The following BCAS3 variants were observed in gnomAD, a reference collection of about 807,000 sequenced individuals.
BCAS3 encodes BCAS4/BCAS3 fusion.
BCAS3 carries 53 observed loss-of-function variants against 116.1 expected under a neutral mutation model. That is an observed-to-expected ratio of 0.46 (90% CI 0.37 to 0.57). The LOEUF is 0.57. BCAS3 is among the 20% of genes least tolerant of loss of function. The probability of loss-of-function intolerance (pLI) is 0.00; values close to 1 mark genes in which losing one functional copy is unlikely to be tolerated. For synonymous variants in BCAS3, 391 were observed against 408.2 expected (o/e 0.96, Z 0.51); for missense variants, 917 against 1,165.4 (o/e 0.79, Z 3.10).
chr17:60,694,182 G>A (rs894560849), intron 4 of BCAS3, among the ~76,000 whole-genome samples: 37 of 148,046 alleles, frequency 2.5e-4, no homozygotes, highest in African/African-American at 7.6e-4. Flanking sequence ...CACCGCGCCC[G>A]GCCAAACATT....
intron 5 of BCAS3, among the ~76,000 whole-genome samples, chr17:60,742,426 C>CTTTTTTTTTTT: frequency 9.7e-6 from 1 of 103,450 alleles, no homozygotes; most frequent in Non-Finnish European, 1.9e-5. Context: ...TCCTTGACAT[C>CTTTTTTTTTTT]TTTTTTTTTT....
rs912195275 is a variant in BCAS3, at chr17:61,063,338, C to A, written c.2030-11582C>A. Among the ~76,000 whole-genome samples the A allele has an allele frequency of 6.6e-6, 1 of 151,778 alleles. No homozygotes were observed. The highest frequency in any genetic ancestry group is 2.4e-5 in the African/African-American group (1 of 41,326). On this transcript the variant is annotated intron_variant, in intron 19 of 23. Transcript: ENST00000407086. The surrounding 1 kb of genome is among the most constrained non-coding windows in gnomAD (Gnocchi z 5.3). ...AGGCTGGAGTGCGGTGGCACAATCT[C>A]GGCTCACTGCAGCCTTTGCCTCCTG...
rs2143032439 is a variant in BCAS3, at chr17:61,324,887, A to C, written c.2426-43440A>C. ...ACTGTGTGATCTCTGAAATTTCTCC[A>C]TGTTCAAAAGTCTAACCTTCGAAGA... On this transcript the variant is annotated intron_variant, in intron 22 of 23. Coordinates refer to ENST00000407086, the MANE Select transcript of BCAS3 (RefSeq NM_017679.5). This position sits in a 1 kb window ranked among gnomAD's most constrained non-coding sequence, Gnocchi z 4.6. Among the ~76,000 whole-genome samples, 1 of 152,284 alleles carries C rather than the reference A, an allele frequency of 6.6e-6. No homozygotes were observed. The highest frequency in any genetic ancestry group is 3.4e-3 in the Middle Eastern group (1 of 294).
rs184605570 is a variant in BCAS3 at position 60,781,888 on chromosome 17, G to A, written c.404-26116G>A. Reference sequence around the variant, plus strand: ...TGCTGGAGACTTACCAAGCTTTCTGGTTCTTTCTTTTATAATTCTGGAAAA... The same window carrying A: ...TGCTGGAGACTTACCAAGCTTTCTGATTCTTTCTTTTATAATTCTGGAAAA... On this transcript the variant is annotated intron_variant, in intron 6 of 23. Transcript: ENST00000407086. 6.1e-3 allele frequency among the ~76,000 whole-genome samples: 929 copies of A among 151,916 alleles called. 7 individuals are homozygous for A. The highest frequency in any genetic ancestry group is 0.014 in the Middle Eastern group (4 of 294).
chr17:61,058,352 A>G (rs1007177852), intron 19 of BCAS3, among the ~76,000 whole-genome samples: 2 of 152,200 alleles, frequency 1.3e-5, no homozygotes, highest in Admixed American at 6.5e-5. Context: ...CTTTTATACT[A>G]CGCTTTCTTT....
rs1258219853 is a variant in BCAS3 at position 61,073,112 on chromosome 17, T to C, written c.2030-1808T>C. 6.6e-6 allele frequency among the ~76,000 whole-genome samples: 1 copy of C among 152,248 alleles called. No homozygotes were observed. Among genetic ancestry groups the C allele is most frequent in the Non-Finnish European group, 1.5e-5 (1 of 68,046 alleles). ...TTATCAGCCTTTCAATGTATATCAA[T>C]TATTTCCAAAAGAATGCTGAAATAA... On this transcript the variant is annotated intron_variant, in intron 19 of 23. Coordinates refer to ENST00000407086, the MANE Select transcript of BCAS3 (RefSeq NM_017679.5). This position sits in a 1 kb window ranked among gnomAD's most constrained non-coding sequence, Gnocchi z 4.6.
rs1278485252 is a variant in BCAS3, at chr17:61,276,596, A to G, written c.2426-91731A>G. On this transcript the variant is annotated intron_variant, in intron 22 of 23. Coordinates refer to ENST00000407086, the MANE Select transcript of BCAS3 (RefSeq NM_017679.5). This position sits in a 1 kb window ranked among gnomAD's most constrained non-coding sequence, Gnocchi z 4.2. ...TAGATCAGAAGACAAAATTGTTAAG[A>G]CGGCAGTGCTCCCCAAATTGATCTA... is the stretch of plus-strand genomic sequence containing the variant. 1.3e-5 allele frequency among the ~76,000 whole-genome samples: 2 copies of G among 152,202 alleles called. No individual in the cohort carries two copies. The highest frequency in any genetic ancestry group is 2.9e-5 in the Non-Finnish European group (2 of 68,032).
chr17:61,213,996 G>T lies in BCAS3; in HGVS notation c.2425+129432G>T, dbSNP rs1017216428. On this transcript the variant is annotated intron_variant, in intron 22 of 23. Coordinates refer to ENST00000407086, the MANE Select transcript of BCAS3 (RefSeq NM_017679.5). This position sits in a 1 kb window ranked among gnomAD's most constrained non-coding sequence, Gnocchi z 5.4. ...AAAGTGAAAGACAAGAAAAATGGGG[G>T]CTTCACTGCACAGTAGGCTGGAGAT... is the stretch of plus-strand genomic sequence containing the variant. Among the ~76,000 whole-genome samples, 1 of 152,136 alleles carries T rather than the reference G, an allele frequency of 6.6e-6. No homozygotes were observed. Among genetic ancestry groups the T allele is most frequent in the African/African-American group, 2.4e-5 (1 of 41,408 alleles).
chr17:60,773,708 C>T lies in BCAS3; in HGVS notation c.403+26429C>T, dbSNP rs142664180. ...TGTTGTCCAGGCTGGAAAGCAGTGG[C>T]GTGATCATGGCTCACAGTTGCCTCT... On this transcript the variant is annotated intron_variant, in intron 6 of 23. Transcript: ENST00000407086. Among the ~76,000 whole-genome samples, 470 of 152,148 alleles carry T rather than the reference C, an allele frequency of 3.1e-3. 1 individual carries two copies. The highest frequency in any genetic ancestry group is 0.017 in the Middle Eastern group (5 of 292).
Position 61,087,264 on chromosome 17 carries a change from G to A in BCAS3, c.2425+2700G>A. Reference sequence around the variant, plus strand: ...GACCAGTGTGGCACCTCCTCTGTTGGTCTTCATTGCCCTGTATTACCTTCA... The same window carrying A: ...GACCAGTGTGGCACCTCCTCTGTTGATCTTCATTGCCCTGTATTACCTTCA... On this transcript the variant is annotated intron_variant, in intron 22 of 23. Coordinates refer to ENST00000407086, the MANE Select transcript of BCAS3 (RefSeq NM_017679.5). This position sits in a 1 kb window ranked among gnomAD's most constrained non-coding sequence, Gnocchi z 4.6. 6 of 958,520 alleles carry A rather than the reference G, an allele frequency of 6.3e-6. No individual in the cohort carries two copies. Among genetic ancestry groups the A allele is most frequent in the Non-Finnish European group, 7.4e-6 (6 of 805,482 alleles). 59.4% of individuals were successfully genotyped at this position (958,520 alleles called of 1,614,324 possible). A position where few individuals can be genotyped will look rare whatever the true frequency, so the allele number is the denominator to read the frequency against.
At chr17:60,783,872 A>G (rs1472550467) in intron 6 of BCAS3, among the ~76,000 whole-genome samples, 2 of 152,130 alleles carry the variant, frequency 1.3e-5, no homozygotes, top group African/African-American at 2.4e-5. Flanking sequence ...TTTGTTTCTC[A>G]TGTTGTAATA....
rs549244959 is a variant in BCAS3 at position 61,053,224 on chromosome 17, G to A, written c.2029+12332G>A. On this transcript the variant is annotated intron_variant, in intron 19 of 23. Transcript: ENST00000407086. ...CAACATGATTAAGGTTAAATTCTAG[G>A]GATCTTGATTCCCAAACAAATTTTG... 5.9e-5 allele frequency among the ~76,000 whole-genome samples: 9 copies of A among 152,178 alleles called. No homozygotes were observed. In the South Asian group the frequency reaches 1.2e-3, roughly 21 times the overall value.
rs2071675959 is a variant in BCAS3, at chr17:61,073,860, A to T, written c.2030-1060A>T. 6.6e-6 allele frequency among the ~76,000 whole-genome samples: 1 copy of T among 152,120 alleles called. No homozygotes were observed. Among genetic ancestry groups the T allele is most frequent in the Non-Finnish European group, 1.5e-5 (1 of 68,014 alleles). On this transcript the variant is annotated intron_variant, in intron 19 of 23. Coordinates refer to ENST00000407086, the MANE Select transcript of BCAS3 (RefSeq NM_017679.5). The surrounding 1 kb of genome is among the most constrained non-coding windows in gnomAD (Gnocchi z 4.6). ...CGTGGTGGTTCATGCCTGTAATCCC[A>T]GCACTCTGAGAGCCAAAGCCAGAGG...
chr17:60,698,626 C>T (rs1598127917), intron 4 of BCAS3, among the ~76,000 whole-genome samples: 1 of 152,136 alleles, frequency 6.6e-6, no homozygotes, highest in East Asian at 1.9e-4. Context: ...AACCTGGGAT[C>T]AAGATGGTAC....
At chr17:61,234,751 A>G (rs1405310259) in intron 22 of BCAS3, among the ~76,000 whole-genome samples, 2 of 148,640 alleles carry the variant, frequency 1.3e-5, no homozygotes, top group Admixed American at 6.8e-5. Flanking sequence ...ACTGACTGTT[A>G]GAACTATACC....
chr17:60,880,894 A>T (rs2056068017), intron 9 of BCAS3, among the ~76,000 whole-genome samples: 1 of 152,036 alleles, frequency 6.6e-6, no homozygotes, highest in Non-Finnish European at 1.5e-5. Context: ...CACTTATCAG[A>T]TATATCTTTT....
rs183054112 is a variant in BCAS3 at position 60,964,475 on chromosome 17, G to A, written c.1221+17123G>A. Among the ~76,000 whole-genome samples the A allele has an allele frequency of 1.5e-4, 23 of 152,178 alleles. No individual in the cohort carries two copies. Among genetic ancestry groups the A allele is most frequent in the South Asian group, 1.5e-3 (7 of 4,824 alleles). ...GGATTTTCACATATATGTTCATCAC[G>A]GATATTGGCCTGTAGTTTTCTTTTC... On this transcript the variant is annotated intron_variant, in intron 14 of 23. Coordinates refer to ENST00000407086, the MANE Select transcript of BCAS3 (RefSeq NM_017679.5). This position sits in a 1 kb window ranked among gnomAD's most constrained non-coding sequence, Gnocchi z 4.6.
At chr17:61,304,510 T>A (rs965036225) in intron 22 of BCAS3, among the ~76,000 whole-genome samples, 3 of 152,142 alleles carry the variant, frequency 2.0e-5, no homozygotes, top group African/African-American at 7.2e-5. Context: ...TCCATTCCCA[T>A]TCATACTCAT....
At chr17:60,966,662 CT>C (rs754857618) in intron 14 of BCAS3, among the ~76,000 whole-genome samples, 2,031 of 133,056 alleles carry the variant, frequency 0.015, 27 homozygotes, top group African/African-American at 0.046. Flanking sequence ...TATCACCCAA[CT>C]TTTTTTTTTT....
Sources: allele counts gnomAD v4.1 joint callset (sites outside exome capture counted in the v4.1 genomes callset), GRCh38; gene constraint gnomAD v4.1.1; non-coding constraint Gnocchi (gnomAD v3.1); transcripts MANE v1.5; gene names NCBI Gene and HGNC (gene_info 2026-07-23, HGNC 2026-07-21).